Variants in CARNMT1 observed in about 807,000 individuals in gnomAD.
The protein encoded by CARNMT1 is protein-L-histidine N-pros-methyltransferase CARNMT1.
In CARNMT1, 28 loss-of-function variants were observed where a neutral mutation model predicts 49.6. That is an observed-to-expected ratio of 0.56 (90% CI 0.42 to 0.77). CARNMT1 has a LOEUF of 0.77. CARNMT1 is among the 30% of genes least tolerant of loss of function. The pLI, the probability that CARNMT1 is intolerant of heterozygous loss-of-function variation, is 0.00. For synonymous variants in CARNMT1, 178 were observed against 175.0 expected (o/e 1.02, Z -0.13); for missense variants, 421 against 512.6 (o/e 0.82, Z 1.73).
intron 3 of CARNMT1, among the ~76,000 whole-genome samples, chr9:75,013,219 CA>C (rs1482714088): frequency 6.6e-6 from 1 of 152,062 alleles, no homozygotes; most frequent in Non-Finnish European, 1.5e-5. Flanking sequence ...TATTATGGTG[CA>C]ATTAAGTGCC....
chr9:74,994,697 T>G (rs1304907245), intron 6 of CARNMT1, among the ~76,000 whole-genome samples: 1 of 152,134 alleles, frequency 6.6e-6, no homozygotes, highest in Non-Finnish European at 1.5e-5. Flanking sequence ...CAGTAACATT[T>G]AAAAGAAAGC....
In CARNMT1 at chr9:75,028,092, G is replaced by GGCC. The variant is rs1188697207; in HGVS notation, c.147_149dup (p.Ala50dup). The GGCC allele has an allele frequency of 6.4e-7, 1 of 1,554,744 alleles. No homozygotes were observed. Among genetic ancestry groups the GGCC allele is most frequent in the African/African-American group, 1.4e-5 (1 of 70,710 alleles). On this transcript the variant is annotated inframe_insertion, in exon 1 of 8. Coordinates refer to ENST00000376834, the MANE Select transcript of CARNMT1 (RefSeq NM_152420.3). ...CCTCCTCCTCCTCGGTGCTGCGCGT[G>GGCC]GCCGCCGCCGCTGCCGCCGAAACCG...
chr9:75,018,604 A>G (rs1169253415), intron 1 of CARNMT1, among the ~76,000 whole-genome samples: 1 of 152,170 alleles, frequency 6.6e-6, no homozygotes, highest in East Asian at 1.9e-4. Context: ...TGACCTAGCA[A>G]TTATATCCTA....
At chr9:74,992,186 C>T (rs552269014) in intron 6 of CARNMT1, among the ~76,000 whole-genome samples, 3 of 151,912 alleles carry the variant, frequency 2.0e-5, no homozygotes, top group South Asian at 2.1e-4. Flanking sequence ...GCATAAGAAT[C>T]GCTTGAACCC....
intron 7 of CARNMT1, among the ~76,000 whole-genome samples, chr9:74,984,088 G>A (rs1832754845): frequency 1.3e-5 from 2 of 152,190 alleles, no homozygotes; most frequent in Admixed American, 6.5e-5. Context: ...AACTCAGGCA[G>A]TCTTGAGCTC....
At chr9:75,012,453 A>G (rs977283913) in intron 3 of CARNMT1, among the ~76,000 whole-genome samples, 1 of 151,804 alleles carries the variant, frequency 6.6e-6, no homozygotes, top group Non-Finnish European at 1.5e-5. Context: ...TGCCCAGCTA[A>G]TTTTTGTATT....
Position 74,993,500 on chromosome 9 carries a change from T to C in CARNMT1, c.1024+2947A>G, listed in dbSNP as rs185805832. Among the ~76,000 whole-genome samples the C allele has an allele frequency of 5.8e-4, 88 of 152,276 alleles. 1 individual carries two copies. In the East Asian group the frequency reaches 0.012, roughly 21 times the overall value. On this transcript the variant is annotated intron_variant, in intron 6 of 7. Coordinates refer to ENST00000376834, the MANE Select transcript of CARNMT1 (RefSeq NM_152420.3). ...ATGTTAGGAAGGTCACTGATGATTA[T>C]GTGGAGAAATGAAAAGGGCCGAAGA...
intron 6 of CARNMT1, among the ~76,000 whole-genome samples, chr9:74,995,619 A>AT (rs1412116294): frequency 6.6e-6 from 1 of 152,184 alleles, no homozygotes; most frequent in African/African-American, 2.4e-5. Flanking sequence ...GTAAATTAAA[A>AT]TTAAAAAGAG....
chr9:74,999,212 C>T (rs1463134018), intron 4 of CARNMT1, among the ~76,000 whole-genome samples: 7 of 152,194 alleles, frequency 4.6e-5, no homozygotes, highest in Admixed American at 4.6e-4. Flanking sequence ...AAGGCAGCTA[C>T]TCAATGTACA....
In CARNMT1 at chr9:74,983,737, C is replaced by T; in HGVS notation, c.*30G>A. On this transcript the variant is annotated 3_prime_UTR_variant, in exon 8 of 8. Transcript: ENST00000376834. ...GATTTCAGCATTTGTTCTTACTAAA[C>T]TTTTTTCCAGGTGGTATCACTTGAG... The T allele has an allele frequency of 7.1e-7, 1 of 1,405,312 alleles. No homozygotes were observed. The highest frequency in any genetic ancestry group is 2.3e-5 in the East Asian group (1 of 42,694). The allele number at this position is 1,405,312 out of a possible 1,614,324, so 87.1% of individuals were successfully genotyped here. A position where few individuals can be genotyped will look rare whatever the true frequency, so the allele number is the denominator to read the frequency against.
At position 74,982,096 on chromosome 9, in the gene CARNMT1, T is replaced by C. The variant is rs1269193370; in HGVS notation, c.*1671A>G. On this transcript the variant is annotated 3_prime_UTR_variant, in exon 8 of 8. Coordinates refer to ENST00000376834, the MANE Select transcript of CARNMT1 (RefSeq NM_152420.3). Reference sequence around the variant, plus strand: ...TAACTACATGAAACCCTCTATTGCATAGTGAGAGTAAAGGTCACAAAAGTC... The same window carrying C: ...TAACTACATGAAACCCTCTATTGCACAGTGAGAGTAAAGGTCACAAAAGTC... 5.3e-5 allele frequency: 8 copies of C among 150,780 alleles called. No individual in the cohort carries two copies. The highest frequency in any genetic ancestry group is 1.5e-4 in the African/African-American group (6 of 41,056). The allele number at this position is 150,780 out of a possible 1,614,324, so 9.3% of individuals were successfully genotyped here. A position where few individuals can be genotyped will look rare whatever the true frequency, so the allele number is the denominator to read the frequency against.
chr9:75,011,234 T>C (rs1355242890), intron 3 of CARNMT1, among the ~76,000 whole-genome samples: 2 of 152,136 alleles, frequency 1.3e-5, no homozygotes, highest in Non-Finnish European at 2.9e-5. Flanking sequence ...GTGCAACCCT[T>C]ATAGAAGAAC....
At chr9:74,990,431 G>A (rs1289608426) in intron 6 of CARNMT1, among the ~76,000 whole-genome samples, 1 of 152,174 alleles carries the variant, frequency 6.6e-6, no homozygotes, top group African/African-American at 2.4e-5. Flanking sequence ...TGTTGCATTG[G>A]AACTAAAGTT....
At chr9:75,009,411 T>C (rs1356165093) in intron 3 of CARNMT1, among the ~76,000 whole-genome samples, 1 of 152,062 alleles carries the variant, frequency 6.6e-6, no homozygotes, top group Non-Finnish European at 1.5e-5. Context: ...ATTTTTTTTT[T>C]CTTTTCGGTG....
intron 1 of CARNMT1, among the ~76,000 whole-genome samples, chr9:75,024,947 T>C (rs1822481571): frequency 6.6e-6 from 1 of 152,232 alleles, no homozygotes; most frequent in South Asian, 2.1e-4. Context: ...TATTACGTAC[T>C]ATATTCTTAC....
chr9:74,997,771 C>T (rs2118787147), intron 5 of CARNMT1, among the ~76,000 whole-genome samples: 1 of 152,136 alleles, frequency 6.6e-6, no homozygotes, highest in East Asian at 1.9e-4. Context: ...AACCCGTCTT[C>T]CCTGCCTTAT....
chr9:74,988,249 G>A lies in CARNMT1; in HGVS notation c.1025-3239C>T, dbSNP rs536189019. On this transcript the variant is annotated intron_variant, in intron 6 of 7. Coordinates refer to ENST00000376834, the MANE Select transcript of CARNMT1 (RefSeq NM_152420.3). ...TATTCTTTTAGTGGCCATAACAGAAGGAGCAAAGATATGTTTTTTTCTTTG... is the reference window on the plus strand; with the variant it reads ...TATTCTTTTAGTGGCCATAACAGAAAGAGCAAAGATATGTTTTTTTCTTTG... Among the ~76,000 whole-genome samples the A allele has an allele frequency of 4.6e-5, 7 of 151,830 alleles. No homozygotes were observed. In the South Asian group the frequency reaches 1.5e-3, roughly 32 times the overall value.
intron 3 of CARNMT1, among the ~76,000 whole-genome samples, chr9:75,011,889 A>G (rs2118841325): frequency 6.6e-6 from 1 of 152,330 alleles, no homozygotes; most frequent in Non-Finnish European, 1.5e-5. Context: ...GCAATTAAAC[A>G]AAATGAAATA....
At chr9:74,990,840 C>T (rs1400507581) in intron 6 of CARNMT1, among the ~76,000 whole-genome samples, 1 of 152,044 alleles carries the variant, frequency 6.6e-6, no homozygotes, top group African/African-American at 2.4e-5. Context: ...CTGTGACAGG[C>T]GGATTTAAAC....
Sources: gnomAD v4.1 joint callset for allele counts (sites outside exome capture counted in the v4.1 genomes callset) on GRCh38, gnomAD v4.1.1 for gene constraint, MANE v1.5 for transcripts, NCBI Gene and HGNC (gene_info 2026-07-23, HGNC 2026-07-21) for gene names.